Variants in DENND1B observed in about 807,000 individuals in gnomAD.
The protein encoded by DENND1B is DENN domain containing 1B.
A neutral mutation model predicts 90.1 loss-of-function variants in DENND1B; 59 were observed. The ratio of observed to expected loss-of-function variants is 0.65; its 90% CI spans 0.53 to 0.81. The LOEUF is 0.81. Among genes scored for constraint, DENND1B ranks in the 40% least tolerant of loss-of-function variants. DENND1B has a pLI of 0.00. For missense variants in DENND1B, 862 were observed against 912.6 expected (o/e 0.94, Z 0.71); for synonymous variants, 337 against 324.6 (o/e 1.04, Z -0.41).
chr1:197,615,107 G>A (rs913233348), intron 11 of DENND1B, among the ~76,000 whole-genome samples: 4 of 151,008 alleles, frequency 2.6e-5, no homozygotes, highest in Admixed American at 6.6e-5. Context: ...AATACTTATA[G>A]TATTGCAGTA....
chr1:197,512,930 C>T lies in DENND1B; in HGVS notation c.1539G>A (p.Lys513=), dbSNP rs369027036. Residue 513 remains lysine (K), a synonymous_variant, in exon 21 of 23, where the codon AAG becomes AAA. Transcript: ENST00000620048. The part of the protein sequence containing the change: ...LAQARLKRPL[K]SLDGALYDDE... ...CATCATATAGAGCACCATCAAGGCT[C>T]TTAAGAGGCCTTTTTAAGCGTGCCT... The T allele has an allele frequency of 1.3e-4, 207 of 1,610,116 alleles. No individual in the cohort carries two copies. The highest frequency in any genetic ancestry group is 1.7e-4 in the Non-Finnish European group (197 of 1,177,786).
At chr1:197,539,175 CCTT>C (rs1670141474) in intron 20 of DENND1B, among the ~76,000 whole-genome samples, 1 of 152,170 alleles carries the variant, frequency 6.6e-6, no homozygotes, top group Non-Finnish European at 1.5e-5. Flanking sequence ...CTTTTCGCCT[CCTT>C]CTGCCACTGA....
At chr1:197,572,885 G>A (rs1673304133) in intron 15 of DENND1B, among the ~76,000 whole-genome samples, 1 of 152,110 alleles carries the variant, frequency 6.6e-6, no homozygotes. Context: ...TCAACAAAAA[G>A]GACATCCACA....
At position 197,620,978 on chromosome 1, in the gene DENND1B, G is replaced by C. The variant is rs374024978; in HGVS notation, c.673-3219C>G. ...ACATATGAACTGAAACCTAACTGAA[G>C]GGAGAGAGTAAACTCGTGGATTTGG... On this transcript the variant is annotated intron_variant, in intron 10 of 22. Transcript: ENST00000620048. Among the ~76,000 whole-genome samples, 34 of 151,430 alleles carry C rather than the reference G, an allele frequency of 2.2e-4. No homozygotes were observed. The East Asian group carries it at 6.1e-3, about 27-fold the overall frequency.
chr1:197,654,437 G>A (rs965620441), intron 6 of DENND1B, among the ~76,000 whole-genome samples: 4 of 151,776 alleles, frequency 2.6e-5, no homozygotes, highest in East Asian at 3.9e-4. Context: ...CAGTGAAACC[G>A]CGTCTCTACT....
chr1:197,566,097 G>T (rs1246052596), intron 15 of DENND1B, among the ~76,000 whole-genome samples: 1 of 151,992 alleles, frequency 6.6e-6, no homozygotes, highest in African/African-American at 2.4e-5. Flanking sequence ...CTAGTTTACA[G>T]TCCCACCAAC....
intron 2 of DENND1B, among the ~76,000 whole-genome samples, chr1:197,727,656 G>T (rs1661772582): frequency 6.6e-6 from 1 of 152,106 alleles, no homozygotes; most frequent in African/African-American, 2.4e-5. Context: ...AATTGGACTG[G>T]ATTCTACTAA....
chr1:197,674,452 C>T (rs1486202740), intron 3 of DENND1B, among the ~76,000 whole-genome samples: 1 of 152,142 alleles, frequency 6.6e-6, no homozygotes, highest in African/African-American at 2.4e-5. Flanking sequence ...TCAACAAGGC[C>T]ATATGGATTT....
intron 4 of DENND1B, among the ~76,000 whole-genome samples, chr1:197,673,339 G>C (rs141245004): frequency 6.6e-6 from 1 of 152,044 alleles, no homozygotes; most frequent in Non-Finnish European, 1.5e-5. Flanking sequence ...CATCAACAAT[G>C]CTTATTAGTA....
chr1:197,743,787 A>G (rs1490327652), intron 2 of DENND1B, among the ~76,000 whole-genome samples: 4 of 152,190 alleles, frequency 2.6e-5, no homozygotes, highest in African/African-American at 4.8e-5. Context: ...GTTCAAGGCC[A>G]GCCTGGGCAA....
intron 10 of DENND1B, among the ~76,000 whole-genome samples, chr1:197,627,231 A>G (rs1678842397): frequency 6.6e-6 from 1 of 152,152 alleles, no homozygotes; most frequent in Admixed American, 6.6e-5. Context: ...CCGAAAAAAG[A>G]GAATTTTAGA....
chr1:197,566,524 T>A (rs2125717802), intron 15 of DENND1B, among the ~76,000 whole-genome samples: 1 of 152,224 alleles, frequency 6.6e-6, no homozygotes, highest in East Asian at 1.9e-4. Flanking sequence ...AGCTCTTAGA[T>A]AAGTTTCATT....
chr1:197,725,203 T>C (rs949173096), intron 2 of DENND1B, among the ~76,000 whole-genome samples: 4 of 152,108 alleles, frequency 2.6e-5, no homozygotes, highest in Non-Finnish European at 5.9e-5. Flanking sequence ...TGGATACCTT[T>C]CAAAGCATCC....
chr1:197,557,303 T>C (rs1331664470), intron 15 of DENND1B, among the ~76,000 whole-genome samples: 1 of 151,800 alleles, frequency 6.6e-6, no homozygotes. Flanking sequence ...AACTAAGACA[T>C]CCTTTAAAGG....
At chr1:197,623,728 G>T (rs1232321517) in intron 10 of DENND1B, among the ~76,000 whole-genome samples, 1 of 151,408 alleles carries the variant, frequency 6.6e-6, no homozygotes, top group African/African-American at 2.4e-5. Flanking sequence ...TACAGTCAAT[G>T]AACCTATATT....
chr1:197,658,249 T>G (rs1378120545), intron 6 of DENND1B, 51 bp downstream of exon 6: 2 of 1,412,106 alleles, frequency 1.4e-6, no homozygotes, highest in Non-Finnish European at 2.0e-6. Context: ...TGGTAAGTTT[T>G]GTGTTATAAG....
intron 2 of DENND1B, among the ~76,000 whole-genome samples, chr1:197,749,317 G>A (rs966018889): frequency 6.6e-6 from 1 of 151,698 alleles, no homozygotes; most frequent in African/African-American, 2.4e-5. Context: ...GTCCCAGTCA[G>A]GATAAATACA....
At chr1:197,552,736 A>T (rs1671344230) in intron 16 of DENND1B, 1 of 1,188,338 alleles carries the variant, frequency 8.4e-7, no homozygotes, top group Non-Finnish European at 1.0e-6. Flanking sequence ...AGACAGGAAG[A>T]TATGAGTTGA....
intron 16 of DENND1B, 21 bp downstream of exon 16, chr1:197,553,001 C>A: frequency 3.2e-6 from 5 of 1,565,214 alleles, no homozygotes; most frequent in Non-Finnish European, 4.3e-6. Flanking sequence ...AATGGATAAT[C>A]ATATTGTAAC....
Sources: allele counts gnomAD v4.1 joint callset (sites outside exome capture counted in the v4.1 genomes callset), GRCh38; gene constraint gnomAD v4.1.1; transcripts MANE v1.5; gene names NCBI Gene and HGNC (gene_info 2026-07-23, HGNC 2026-07-21).